Variants in TRIM15 observed in about 807,000 individuals in gnomAD.
TRIM15 encodes E3 ubiquitin-protein ligase TRIM15.
In TRIM15, 35 loss-of-function variants were observed where a neutral mutation model predicts 35.8. The observed-to-expected ratio is 0.98, with a 90% confidence interval of 0.75 to 1.30. The LOEUF is 1.30. Ranked by LOEUF, TRIM15 falls within the 50% of genes most tolerant of loss-of-function variation. The pLI, the probability that TRIM15 is intolerant of heterozygous loss-of-function variation, is 0.00. For missense variants in TRIM15, 590 were observed against 593.5 expected (o/e 0.99, Z 0.06); for synonymous variants, 252 against 249.8 (o/e 1.01, Z -0.08).
rs1449209476 is a variant in TRIM15 at position 30,172,640 on chromosome 6, CG to C, written c.*295del. The C allele has an allele frequency of 2.2e-5, 14 of 633,442 alleles. 1 individual carries two copies. The highest frequency in any genetic ancestry group is 3.7e-5 in the Non-Finnish European group (13 of 350,066). 39.2% of individuals were successfully genotyped at this position (633,442 alleles called of 1,614,324 possible). A position where few individuals can be genotyped will look rare whatever the true frequency, so the allele number is the denominator to read the frequency against. On this transcript the variant is annotated 3_prime_UTR_variant, in exon 7 of 7. Transcript: ENST00000376694. ...GCCAACCTAGGAGCCAGCGGGCTTTCGGGGAAAAAAAAGAAAAAGACATCTA... is the reference window on the plus strand; with the variant it reads ...GCCAACCTAGGAGCCAGCGGGCTTTCGGGAAAAAAAAGAAAAAGACATCTA...
At chr6:30,167,030 A>G in intron 1 of TRIM15, 146 bp from the exon 2 acceptor site, 1 of 626,956 alleles carries the variant, frequency 1.6e-6, no homozygotes. Flanking sequence ...TCTTCCTGAG[A>G]TGGTGGTCTC....
At chr6:30,171,761 C>T in intron 6 of TRIM15, 71 bp from the exon 7 acceptor site, 1 of 1,442,664 alleles carries the variant, frequency 6.9e-7, no homozygotes, top group Non-Finnish European at 9.1e-7. Flanking sequence ...CTGCCTCCCA[C>T]GTGCGTTGCC....
In TRIM15 at chr6:30,167,278, G is replaced by A. The variant is rs766514772; in HGVS notation, c.477+7G>A. 7 of 1,609,174 alleles carry A rather than the reference G, an allele frequency of 4.4e-6. No individual in the cohort carries two copies. In the South Asian group the frequency reaches 4.4e-5, roughly 10 times the overall value. On this transcript the variant is annotated splice_region_variant and intron_variant, in intron 2 of 6. Coordinates refer to ENST00000376694, the MANE Select transcript of TRIM15 (RefSeq NM_033229.3). ...GAAGCTTCAAGTGCTGCTGGTACAG[G>A]CCACGTCACTGGCTACCTTTTCCTT...
At chr6:30,167,864 C>A (rs1773719860) in intron 2 of TRIM15, among the ~76,000 whole-genome samples, 1 of 152,182 alleles carries the variant, frequency 6.6e-6, no homozygotes, top group Non-Finnish European at 1.5e-5. Context: ...CAGCTCTCAT[C>A]AACGTATGCC....
intron 4 of TRIM15, 116 bp downstream of exon 4, chr6:30,169,379 C>G: frequency 9.3e-7 from 1 of 1,071,710 alleles, no homozygotes; most frequent in Non-Finnish European, 1.4e-6. Context: ...CTCTGGCAGA[C>G]ACACTGTCTC....
chr6:30,170,535 A>T lies in TRIM15; in HGVS notation c.766A>T (p.Ile256Phe), dbSNP rs759283570. ...EMKTFVSPEA[I>F]SPDLVKKIRD... ...GAAGACTTTTGTGAGTCCTGAGGCC[A>T]TTTCTCCTGACCTTGTCAAGAAGAT... is the stretch of plus-strand genomic sequence containing the variant. The change falls in exon 5 of 7, where the codon ATT becomes TTT. Residue 256 changes from isoleucine (I) to phenylalanine (F), a missense_variant. Transcript: ENST00000376694. The T allele has an allele frequency of 1.9e-6, 3 of 1,614,092 alleles. No homozygotes were observed. The South Asian group carries it at 3.3e-5, about 18-fold the overall frequency.
Position 30,168,313 on chromosome 6 carries a change from G to A in TRIM15, c.491G>A (p.Ser164Asn), listed in dbSNP as rs752826468. The change falls in exon 3 of 7, where the codon AGC becomes AAC. Residue 164 changes from serine (S) to asparagine (N), a missense_variant. By Grantham distance (46) the Ser-to-Asn change is conservative. Coordinates refer to ENST00000376694, the MANE Select transcript of TRIM15 (RefSeq NM_033229.3). ...TATCCCTTGAAGACTCAGATCGAAAGCAAGAAGCATCAGGTGGAAACAGCT... is the reference window on the plus strand; with the variant it reads ...TATCCCTTGAAGACTCAGATCGAAAACAAGAAGCATCAGGTGGAAACAGCT... ...KLQVLLTQIESKKHQVETAFE... is the reference protein window; with the variant it reads ...KLQVLLTQIENKKHQVETAFE... The A allele has an allele frequency of 2.0e-5, 32 of 1,612,676 alleles. 1 individual carries two copies. The highest frequency in any genetic ancestry group is 2.5e-5 in the Non-Finnish European group (30 of 1,179,826).
Position 30,170,516 on chromosome 6 carries a change from T to C in TRIM15, c.747T>C (p.Thr249=), listed in dbSNP as rs61744342. The C allele has an allele frequency of 1.2e-3, 1,870 of 1,611,864 alleles. 6 individuals are homozygous for C. The highest frequency in any genetic ancestry group is 8.5e-3 in the African/African-American group (641 of 74,992). Residue 249 remains threonine, a synonymous_variant, in exon 5 of 7, where the codon ACT becomes ACC. Transcript: ENST00000376694. ...RVNQSRCEMK[T]FVSPEAISPD... The stretch of plus-strand genomic sequence containing the variant: ...CTGTCTGCAGGTGTGAGATGAAGAC[T>C]TTTGTGAGTCCTGAGGCCATTTCTC...
intron 6 of TRIM15, 122 bp from the exon 7 acceptor site, chr6:30,171,710 G>C (rs1409053277): frequency 3.1e-6 from 4 of 1,306,762 alleles, no homozygotes; most frequent in Non-Finnish European, 4.1e-6. Flanking sequence ...GCGGTTCAGA[G>C]AAGTGGCCCA....
intron 1 of TRIM15, among the ~76,000 whole-genome samples, chr6:30,166,508 C>T (rs1773608318): frequency 6.6e-6 from 1 of 152,092 alleles, no homozygotes; most frequent in Admixed American, 6.5e-5. Flanking sequence ...ATACTACAGC[C>T]TTGTAGTATA....
At chr6:30,167,095 G>T in intron 1 of TRIM15, 81 bp from the exon 2 acceptor site, 1 of 1,292,576 alleles carries the variant, frequency 7.7e-7, no homozygotes, top group Non-Finnish European at 1.1e-6. Flanking sequence ...ACTCAACAGT[G>T]TGCCCAGGAT....
Position 30,168,519 on chromosome 6 carries a change from G to A in TRIM15, c.697G>A (p.Glu233Lys). Residue 233 changes from glutamate to lysine, a missense_variant, in exon 3 of 7, where the codon GAG becomes AAG. Transcript: ENST00000376694. ...GGAGAAGTGTCAGCAGCCAGCAAGT[G>A]AGCTTCTACAAGTGAGAGACACTTC... ...LEEKCQQPAS[E>K]LLQDVRVNQS... 6 of 1,594,056 alleles carry A rather than the reference G, an allele frequency of 3.8e-6. No homozygotes were observed. Among genetic ancestry groups the A allele is most frequent in the Non-Finnish European group, 5.1e-6 (6 of 1,169,574 alleles).
intron 2 of TRIM15, 91 bp downstream of exon 2, chr6:30,167,362 G>A: frequency 9.7e-7 from 1 of 1,029,678 alleles, no homozygotes; most frequent in Non-Finnish European, 1.5e-6. Flanking sequence ...TTTCCTGGCT[G>A]AAAAGAACTG....
chr6:30,170,452 C>T (rs752641448), intron 4 of TRIM15, 49 bp from the exon 5 acceptor site: 2 of 1,306,838 alleles, frequency 1.5e-6, no homozygotes, highest in Admixed American at 1.7e-5. Flanking sequence ...CTCACCCGAA[C>T]ATTTGTTTTT....
intron 2 of TRIM15, 112 bp downstream of exon 2, chr6:30,167,383 C>A: frequency 1.2e-6 from 1 of 830,494 alleles, no homozygotes; most frequent in Non-Finnish European, 1.9e-6. Context: ...ACAAACTGTT[C>A]TCGTTCACCT....
rs1581590839 is a variant in TRIM15 at position 30,163,768 on chromosome 6, C to G, written c.84C>G (p.Thr28=). The G allele has an allele frequency of 1.2e-6, 2 of 1,612,908 alleles. No homozygotes were observed. The highest frequency in any genetic ancestry group is 1.7e-6 in the Non-Finnish European group (2 of 1,180,040). ...LCAGPLEDAV[T]IPCGHTFCRL... ...CGGGGCCGCTGGAGGATGCGGTGACCATTCCCTGTGGACACACCTTCTGCC... is the reference window on the plus strand; with the variant it reads ...CGGGGCCGCTGGAGGATGCGGTGACGATTCCCTGTGGACACACCTTCTGCC... Residue 28 remains threonine (T), a synonymous_variant, in exon 1 of 7, where the codon ACC becomes ACG. Coordinates refer to ENST00000376694, the MANE Select transcript of TRIM15 (RefSeq NM_033229.3).
chr6:30,163,961 T>C lies in TRIM15; in HGVS notation c.277T>C (p.Phe93Leu). The C allele has an allele frequency of 1.2e-6, 2 of 1,613,086 alleles. No individual in the cohort carries two copies. Among genetic ancestry groups the C allele is most frequent in the African/African-American group, 2.7e-5 (2 of 75,042 alleles). Residue 93 changes from phenylalanine (F) to leucine (L), a missense_variant, in exon 1 of 7, where the codon TTC (phenylalanine) becomes CTC (leucine). By Grantham distance (22) the Phe-to-Leu change is conservative (BLOSUM62 0). Coordinates refer to ENST00000376694, the MANE Select transcript of TRIM15 (RefSeq NM_033229.3). Reference sequence around the variant, plus strand: ...GGAGCACGGCGAGAAGATCTACTTCTTCTGCGAGAACGATGCCGAGTTCCT... The same window carrying C: ...GGAGCACGGCGAGAAGATCTACTTCCTCTGCGAGAACGATGCCGAGTTCCT... ...CEEHGEKIYF[F>L]CENDAEFLCV...
chr6:30,168,690 G>A (rs1773798227), intron 3 of TRIM15, 160 bp downstream of exon 3: 7 of 709,554 alleles, frequency 9.9e-6, no homozygotes, highest in East Asian at 2.7e-5. Flanking sequence ...GTCATACACT[G>A]TGGTCATGTT....
chr6:30,171,005 T>G lies in TRIM15; in HGVS notation c.877T>G (p.Ser293Ala), dbSNP rs1773976448. ...ENLAHHLEIDSGVITLDPQTA... is the reference protein window; with the variant it reads ...ENLAHHLEIDAGVITLDPQTA... Reference sequence around the variant, plus strand: ...CTTGGCGCATCATCTGGAAATAGATTCAGGTAAACAGCTTGGGATTTGGGG... The same window carrying G: ...CTTGGCGCATCATCTGGAAATAGATGCAGGTAAACAGCTTGGGATTTGGGG... Residue 293 changes from serine (S) to alanine (A), a missense_variant, in exon 6 of 7, where the codon TCA (serine) becomes GCA (alanine). Physicochemically the swap from Ser to Ala is moderately conservative, Grantham distance 99. Transcript: ENST00000376694. 3.7e-6 allele frequency: 6 copies of G among 1,611,734 alleles called. No homozygotes were observed. Among genetic ancestry groups the G allele is most frequent in the Non-Finnish European group, 5.1e-6 (6 of 1,179,346 alleles).
Sources: gnomAD v4.1 joint callset for allele counts (sites outside exome capture counted in the v4.1 genomes callset) on GRCh38, gnomAD v4.1.1 for gene constraint, MANE v1.5 for transcripts, NCBI Gene and HGNC (gene_info 2026-07-23, HGNC 2026-07-21) for gene names.